Variants in DYNC2H1 observed in about 807,000 individuals in gnomAD.
DYNC2H1 encodes cytoplasmic dynein 2 heavy chain 1.
A neutral mutation model predicts 570.0 loss-of-function variants in DYNC2H1; 410 were observed. That is an observed-to-expected ratio of 0.72 (90% CI 0.66 to 0.78). DYNC2H1 has a LOEUF of 0.78. Ranked by LOEUF, DYNC2H1 falls within the 30% of genes least tolerant of loss-of-function variation. The pLI, the probability that DYNC2H1 is intolerant of heterozygous loss-of-function variation, is 0.00. For missense variants in DYNC2H1, 4,865 were observed against 5,046.4 expected (o/e 0.96, Z 1.09); for synonymous variants, 1,688 against 1,677.6 (o/e 1.01, Z -0.15).
intron 84 of DYNC2H1, among the ~76,000 whole-genome samples, chr11:103,427,713 G>C (rs1019776995): frequency 6.6e-6 from 1 of 152,002 alleles, no homozygotes; most frequent in Non-Finnish European, 1.5e-5. Context: ...CTTTTTACAA[G>C]GGCACTAATC....
At position 103,163,279 on chromosome 11, in the gene DYNC2H1, A is replaced by C; in HGVS notation, c.4611+132A>C. 3 of 1,130,618 alleles carry C rather than the reference A, an allele frequency of 2.7e-6. No individual in the cohort carries two copies. The highest frequency in any genetic ancestry group is 3.6e-6 in the Non-Finnish European group (3 of 839,138). 70.0% of individuals were successfully genotyped at this position (1,130,618 alleles called of 1,614,324 possible). ...TAACAGTTAACGGACAAATTGCTTA[A>C]CTTCTGAGTCTCAGTTCCTTCAGCT... On this transcript the variant is annotated intron_variant, in intron 30 of 88. Transcript: ENST00000375735. The surrounding 1 kb of genome is among the most constrained non-coding windows in gnomAD (Gnocchi z 4.6).
At chr11:103,276,837 T>A (rs1273743577) in intron 70 of DYNC2H1, among the ~76,000 whole-genome samples, 1 of 152,106 alleles carries the variant, frequency 6.6e-6, no homozygotes, top group African/African-American at 2.4e-5. Flanking sequence ...AGCACATACG[T>A]GATCCCTTTG....
chr11:103,310,450 A>C, intron 78 of DYNC2H1, among the ~76,000 whole-genome samples: 1 of 152,044 alleles, frequency 6.6e-6, no homozygotes, highest in Middle Eastern at 3.4e-3. Context: ...GTGATTTTCT[A>C]TGTAACTGTA....
rs1476379155 is a variant in DYNC2H1, at chr11:103,116,681, G to A, written c.733G>A (p.Glu245Lys). 1 of 1,604,786 alleles carries A rather than the reference G, an allele frequency of 6.2e-7. No homozygotes were observed. Among genetic ancestry groups the A allele is most frequent in the East Asian group, 2.2e-5 (1 of 44,484 alleles). ...ACAAACAGAACATGATCATTATCCT[G>A]AGTCACGAATGTTGCATCTCTTAGA... ...WRQTEHDHYP[E>K]SRMLHLLDII... Residue 245 changes from glutamate to lysine, a missense_variant, in exon 5 of 89, where the codon GAG becomes AAG. Coordinates refer to ENST00000375735, the MANE Select transcript of DYNC2H1 (RefSeq NM_001377.3).
At chr11:103,242,172 T>C (rs976177235) in intron 63 of DYNC2H1, among the ~76,000 whole-genome samples, 1 of 152,154 alleles carries the variant, frequency 6.6e-6, no homozygotes, top group Non-Finnish European at 1.5e-5. Flanking sequence ...CATACTATTT[T>C]ATATACACAT....
At chr11:103,372,374 G>A (rs1263187770) in intron 83 of DYNC2H1, among the ~76,000 whole-genome samples, 4 of 152,132 alleles carry the variant, frequency 2.6e-5, no homozygotes, top group Non-Finnish European at 5.9e-5. Context: ...CATTTGTCAA[G>A]TGTGGCCTTT....
rs754761981 is a variant in DYNC2H1, at chr11:103,155,498, T to C, written c.3741T>C (p.Leu1247=). 2 of 1,605,230 alleles carry C rather than the reference T, an allele frequency of 1.2e-6. No individual in the cohort carries two copies. The highest frequency in any genetic ancestry group is 1.7e-5 in the Admixed American group (1 of 58,386). The part of the protein sequence containing the change: ...ADTIVAKAAD[L]KDLNSRAQGE... ...CAATTGTAGCCAAAGCTGCCGACCT[T>C]AAAGTATGAATCACTTTTATAAATA... The change falls in exon 25 of 89, where the codon CTT becomes CTC. Residue 1247 remains leucine (L), a synonymous_variant. Coordinates refer to ENST00000375735, the MANE Select transcript of DYNC2H1 (RefSeq NM_001377.3).
intron 75 of DYNC2H1, among the ~76,000 whole-genome samples, chr11:103,297,718 T>A (rs12788473): frequency 0.31 from 46,455 of 151,960 alleles, 7,384 homozygotes; most frequent in South Asian, 0.4. Context: ...GCTCATGTAA[T>A]TCTTTCCTCT....
At chr11:103,188,792 C>A in intron 44 of DYNC2H1, 144 bp downstream of exon 44, 1 of 614,466 alleles carries the variant, frequency 1.6e-6, no homozygotes, top group Non-Finnish European at 2.4e-6. Flanking sequence ...TCCTACCCTT[C>A]TCAAAATATA....
At chr11:103,150,976 T>C (rs1056379327) in intron 20 of DYNC2H1, among the ~76,000 whole-genome samples, 4 of 152,200 alleles carry the variant, frequency 2.6e-5, no homozygotes, top group African/African-American at 7.2e-5. Flanking sequence ...CTGTGGGCAC[T>C]GGGGAGCTGT....
In DYNC2H1 at chr11:103,120,715, A is replaced by G. The variant is rs1858661720; in HGVS notation, c.1161A>G (p.Gln387=). Residue 387 remains glutamine, a synonymous_variant, in exon 8 of 89, where the codon CAA becomes CAG. Coordinates refer to ENST00000375735, the MANE Select transcript of DYNC2H1 (RefSeq NM_001377.3). ...CCTTGTGGAAAGCTGCGGTGTCTCA[A>G]TATGAAAAGATTATTGCACCTGCGG... ...TEPLWKAAVS[Q]YEKIIAPAEQ... 2 of 1,611,250 alleles carry G rather than the reference A, an allele frequency of 1.2e-6. No individual in the cohort carries two copies. Among genetic ancestry groups the G allele is most frequent in the Non-Finnish European group, 1.7e-6 (2 of 1,178,494 alleles).
At position 103,176,267 on chromosome 11, in the gene DYNC2H1, A is replaced by T; in HGVS notation, c.5707A>T (p.Arg1903Trp). ...NESHIVVQAL[R>W]LNTMSKFTFT... ...AAGTCATATTGTGGTACAAGCACTG[A>T]GGCTTAATACCATGTCAAAGTTTAC... is the stretch of plus-strand genomic sequence containing the variant. Residue 1903 changes from arginine (R) to tryptophan (W), a missense_variant, in exon 37 of 89, where the codon AGG (arginine) becomes TGG (tryptophan). Arg to Trp is a moderately radical substitution (Grantham distance 101). Coordinates refer to ENST00000375735, the MANE Select transcript of DYNC2H1 (RefSeq NM_001377.3). The T allele has an allele frequency of 6.5e-7, 1 of 1,529,174 alleles. No individual in the cohort carries two copies. 94.7% of individuals were successfully genotyped at this position (1,529,174 alleles called of 1,614,324 possible).
intron 83 of DYNC2H1, among the ~76,000 whole-genome samples, chr11:103,365,759 A>G (rs990346161): frequency 6.6e-6 from 1 of 152,208 alleles, no homozygotes; most frequent in African/African-American, 2.4e-5. Context: ...ATATTTTGCA[A>G]TTTTTAAAAC....
At chr11:103,266,209 A>T (rs190525281) in intron 70 of DYNC2H1, among the ~76,000 whole-genome samples, 1 of 152,122 alleles carries the variant, frequency 6.6e-6, no homozygotes, top group Non-Finnish European at 1.5e-5. Context: ...CAGTGGTAGC[A>T]GCAGCTGTGT....
At chr11:103,433,005 C>T (rs574040980) in intron 84 of DYNC2H1, among the ~76,000 whole-genome samples, 4 of 152,026 alleles carry the variant, frequency 2.6e-5, no homozygotes, top group Non-Finnish European at 5.9e-5. Flanking sequence ...TGTTTTTTCC[C>T]TCTAAACTCC....
intron 11 of DYNC2H1, among the ~76,000 whole-genome samples, chr11:103,123,984 T>C (rs1003954293): frequency 6.6e-6 from 1 of 152,196 alleles, no homozygotes; most frequent in African/African-American, 2.4e-5. Flanking sequence ...GATTTATTTG[T>C]ATATAGGAAA....
Position 103,145,763 on chromosome 11 carries a change from A to G in DYNC2H1, c.2703-2009A>G, listed in dbSNP as rs192136852. On this transcript the variant is annotated intron_variant, in intron 18 of 88. Transcript: ENST00000375735. The surrounding 1 kb of genome is among the most constrained non-coding windows in gnomAD (Gnocchi z 4.2). ...GATGTATTTTAGATAGTATCATAAG[A>G]AAATCATTTTTGAATATGCATCTTT... Among the ~76,000 whole-genome samples the G allele has an allele frequency of 1.3e-4, 20 of 152,320 alleles. No homozygotes were observed. The East Asian group carries it at 3.3e-3, about 25-fold the overall frequency.
rs1260590828 is a variant in DYNC2H1, at chr11:103,199,978, A to G, written c.8089-68A>G. 5 of 1,026,788 alleles carry G rather than the reference A, an allele frequency of 4.9e-6. No individual in the cohort carries two copies. The highest frequency in any genetic ancestry group is 7.4e-6 in the Non-Finnish European group (5 of 678,928). The allele number at this position is 1,026,788 out of a possible 1,614,324, so 63.6% of individuals were successfully genotyped here. The stretch of plus-strand genomic sequence containing the variant: ...ACTGGCATACTTTACATACAAATAC[A>G]AAATGTTAATTTTTAACTGTACCAA... On this transcript the variant is annotated intron_variant, in intron 49 of 88. Coordinates refer to ENST00000375735, the MANE Select transcript of DYNC2H1 (RefSeq NM_001377.3). This position sits in a 1 kb window ranked among gnomAD's most constrained non-coding sequence, Gnocchi z 4.6.
At chr11:103,146,311 A>G (rs1045052652) in intron 18 of DYNC2H1, among the ~76,000 whole-genome samples, 1 of 152,194 alleles carries the variant, frequency 6.6e-6, no homozygotes, top group Non-Finnish European at 1.5e-5. Flanking sequence ...AAGTTTTCAG[A>G]TTTGTTTTAA....
Sources: allele counts gnomAD v4.1 joint callset (sites outside exome capture counted in the v4.1 genomes callset), GRCh38; gene constraint gnomAD v4.1.1; non-coding constraint Gnocchi (gnomAD v3.1); transcripts MANE v1.5; gene names NCBI Gene and HGNC (gene_info 2026-07-23, HGNC 2026-07-21).